FOXJ3: variants seen among roughly 807,000 people sequenced by gnomAD.
FOXJ3 encodes the protein forkhead box J3.
Under a neutral mutation model 76.1 loss-of-function variants are expected in FOXJ3, and 22 were observed. That is an observed-to-expected ratio of 0.29 (90% CI 0.21 to 0.41). The LOEUF (loss-of-function observed/expected upper bound fraction) is 0.41, where lower values mean the gene tolerates loss of function less well. Among genes scored for constraint, FOXJ3 ranks in the 10% least tolerant of loss-of-function variants. The pLI is 1.00. For synonymous variants in FOXJ3, 269 were observed against 261.2 expected (o/e 1.03, Z -0.29); for missense variants, 613 against 762.1 (o/e 0.80, Z 2.30).
At chr1:42,209,388 CT>C (rs1467557298) in intron 5 of FOXJ3, among the ~76,000 whole-genome samples, 2 of 152,154 alleles carry the variant, frequency 1.3e-5, no homozygotes, top group Non-Finnish European at 2.9e-5. Flanking sequence ...ATGCTGTGAA[CT>C]TTTTTTCCTA....
chr1:42,332,094 G>A (rs1566584), intron 1 of FOXJ3, among the ~76,000 whole-genome samples: 10,839 of 152,002 alleles, frequency 0.071, 509 homozygotes, highest in African/African-American at 0.13. Flanking sequence ...CTTCTACACC[G>A]CATTTGAAAC....
rs886127406 is a variant in FOXJ3, at chr1:42,191,794, A to G, written c.935-75T>C. The stretch of plus-strand genomic sequence containing the variant: ...GACAAACATTTGTAAAATTATTAAC[A>G]TAACAAAAGCATATGATGCCAGGAA... On this transcript the variant is annotated intron_variant, in intron 8 of 12. Transcript: ENST00000361346. 5 of 1,504,454 alleles carry G rather than the reference A, an allele frequency of 3.3e-6. No homozygotes were observed. The African/African-American group carries it at 5.5e-5, about 17-fold the overall frequency. 93.2% of individuals were successfully genotyped at this position (1,504,454 alleles called of 1,614,324 possible). A position where few individuals can be genotyped will look rare whatever the true frequency, so the allele number is the denominator to read the frequency against.
chr1:42,278,061 C>T (rs141559508), intron 3 of FOXJ3, among the ~76,000 whole-genome samples: 21 of 152,012 alleles, frequency 1.4e-4, no homozygotes, highest in Middle Eastern at 3.4e-3. Flanking sequence ...ACTTTAGGCT[C>T]ACTGTCAACT....
At chr1:42,292,010 G>A (rs368051169) in intron 2 of FOXJ3, among the ~76,000 whole-genome samples, 4 of 152,076 alleles carry the variant, frequency 2.6e-5, no homozygotes, top group Non-Finnish European at 4.4e-5. Context: ...AAAGGCAGGA[G>A]TGGGAGCCAG....
At chr1:42,203,788 G>A (rs1193515607) in intron 6 of FOXJ3, among the ~76,000 whole-genome samples, 2 of 152,042 alleles carry the variant, frequency 1.3e-5, no homozygotes, top group Admixed American at 1.3e-4. Flanking sequence ...CTGAGGTCAG[G>A]AGTTTGAGAC....
chr1:42,194,742 A>G (rs1235542078), intron 8 of FOXJ3, 148 bp downstream of exon 8: 2 of 578,630 alleles, frequency 3.5e-6, no homozygotes, highest in Non-Finnish European at 5.9e-6. Context: ...AGAACACAGT[A>G]AAGGCACAAA....
chr1:42,215,989 A>C (rs1169901216), intron 5 of FOXJ3, among the ~76,000 whole-genome samples: 2 of 152,066 alleles, frequency 1.3e-5, no homozygotes, highest in Non-Finnish European at 2.9e-5. Flanking sequence ...CCCATCTCTA[A>C]GGGGGAAAAA....
intron 3 of FOXJ3, among the ~76,000 whole-genome samples, chr1:42,275,975 G>A (rs1652231123): frequency 6.6e-6 from 1 of 152,148 alleles, no homozygotes; most frequent in South Asian, 2.1e-4. Context: ...GAATAAAAGG[G>A]ACTAAAGGAA....
At chr1:42,184,450 T>C (rs970853379) in intron 11 of FOXJ3, among the ~76,000 whole-genome samples, 3 of 152,122 alleles carry the variant, frequency 2.0e-5, no homozygotes, top group Non-Finnish European at 4.4e-5. Context: ...TATTTTCATA[T>C]AGAAATTCCC....
Position 42,181,959 on chromosome 1 carries a change from G to A in FOXJ3, c.1711C>T (p.His571Tyr). The change falls in exon 12 of 13, where the codon CAT becomes TAT. Residue 571 changes from histidine (H) to tyrosine (Y), a missense_variant. This residue lies in a region of FOXJ3 where 526 missense variants were observed against 601.4 expected (regional missense o/e 0.87). Transcript: ENST00000361346. ...GGAGTGCTGAGTGCCTGTGGGATAT[G>A]AGGATAACCAGGGGGTGGCATCACT... is the stretch of plus-strand genomic sequence containing the variant. ...PSVMPPPGYP[H>Y]IPQALSTPGT... 4 of 1,613,608 alleles carry A rather than the reference G, an allele frequency of 2.5e-6. No individual in the cohort carries two copies. The highest frequency in any genetic ancestry group is 2.5e-6 in the Non-Finnish European group (3 of 1,179,656).
At chr1:42,252,480 AT>A (rs1650173937) in intron 4 of FOXJ3, among the ~76,000 whole-genome samples, 1 of 151,590 alleles carries the variant, frequency 6.6e-6, no homozygotes, top group African/African-American at 2.4e-5. Flanking sequence ...TCCCTTTATC[AT>A]TTTTTATTGC....
At chr1:42,258,096 TAAAGGG>T (rs1182210829) in intron 4 of FOXJ3, among the ~76,000 whole-genome samples, 1 of 152,234 alleles carries the variant, frequency 6.6e-6, no homozygotes, top group Non-Finnish European at 1.5e-5. Flanking sequence ...TGCCCGTTGG[TAAAGGG>T]AATCATCATA....
At chr1:42,180,839 G>A (rs1646303865) in intron 12 of FOXJ3, among the ~76,000 whole-genome samples, 1 of 152,172 alleles carries the variant, frequency 6.6e-6, no homozygotes, top group African/African-American at 2.4e-5. Flanking sequence ...CAGGGAAGCT[G>A]AGGTAGGAGG....
intron 3 of FOXJ3, among the ~76,000 whole-genome samples, chr1:42,269,942 T>G (rs1254148376): frequency 2.0e-5 from 3 of 152,182 alleles, no homozygotes; most frequent in Non-Finnish European, 4.4e-5. Flanking sequence ...TTCTCCACCC[T>G]GCAGAGAGTT....
intron 4 of FOXJ3, among the ~76,000 whole-genome samples, chr1:42,247,504 A>G (rs904574865): frequency 4.6e-5 from 7 of 152,212 alleles, no homozygotes; most frequent in African/African-American, 1.7e-4. Flanking sequence ...GGAGATGTAC[A>G]AATGGTCAAC....
intron 1 of FOXJ3, among the ~76,000 whole-genome samples, chr1:42,318,409 T>G (rs1453869461): frequency 2.0e-5 from 3 of 152,194 alleles, no homozygotes; most frequent in African/African-American, 7.2e-5. Flanking sequence ...TGGAGTGATC[T>G]TGGCTCACTG....
chr1:42,267,031 C>T (rs1002922935), intron 3 of FOXJ3, among the ~76,000 whole-genome samples: 3 of 152,022 alleles, frequency 2.0e-5, no homozygotes, highest in Non-Finnish European at 2.9e-5. Context: ...TATACAGATA[C>T]CATGTAGAGG....
chr1:42,228,024 G>T, intron 4 of FOXJ3, 58 bp from the exon 5 acceptor site: 1 of 859,686 alleles, frequency 1.2e-6, no homozygotes, highest in Non-Finnish European at 1.8e-6. Context: ...ATATTAAAAT[G>T]GATTTTTATA....
intron 2 of FOXJ3, among the ~76,000 whole-genome samples, chr1:42,283,277 C>T (rs1001651558): frequency 1.3e-5 from 2 of 152,088 alleles, no homozygotes; most frequent in Non-Finnish European, 2.9e-5. Flanking sequence ...AAGTTCCATA[C>T]AGAATTTTTT....
Sources: allele counts gnomAD v4.1 joint callset (sites outside exome capture counted in the v4.1 genomes callset), GRCh38; gene constraint gnomAD v4.1.1; regional missense constraint gnomAD v4.1.1; transcripts MANE v1.5; gene names NCBI Gene and HGNC (gene_info 2026-07-23, HGNC 2026-07-21).